Variants in DEPDC5 observed in about 807,000 individuals in gnomAD.
DEPDC5 encodes DEP domain containing 5, GATOR1 subcomplex subunit, also known as GATOR1 complex protein DEPDC5.
In DEPDC5, 73 loss-of-function variants were observed where a neutral mutation model predicts 217.3. The ratio of observed to expected loss-of-function variants is 0.34; its 90% CI spans 0.28 to 0.41. DEPDC5 has a LOEUF of 0.41. Ranked by LOEUF, DEPDC5 falls within the 10% of genes least tolerant of loss-of-function variation. The pLI, the probability that DEPDC5 is intolerant of heterozygous loss-of-function variation, is 1.00. For missense variants in DEPDC5, 1,675 were observed against 2,070.1 expected, an observed-to-expected ratio of 0.81 and a Z score of 3.70; for synonymous variants, 733 against 756.7, an observed-to-expected ratio of 0.97 and a Z score of 0.51.
intron 12 of DEPDC5, among the ~76,000 whole-genome samples, chr22:31,793,113 G>A (rs2085870636): frequency 6.6e-6 from 1 of 151,982 alleles, no homozygotes; most frequent in Non-Finnish European, 1.5e-5. Context: ...TTTTAATTTT[G>A]TAATTGTAAT....
chr22:31,843,170 C>T lies in DEPDC5; in HGVS notation c.2591C>T (p.Thr864Met), dbSNP rs564667614. ...LSMGRTFHKV[T>M]LKDKMITVTR... ...ATGGGCAGAACGTTCCACAAAGTGA[C>T]GCTGAAGGATAAGATGATCACAGTG... Residue 864 changes from threonine (T) to methionine (M), a missense_variant, in exon 28 of 43, where the codon ACG becomes ATG. By Grantham distance (81) the Thr-to-Met change is moderately conservative. This residue lies in a region of DEPDC5 where 293 missense variants were observed against 386.1 expected (regional missense o/e 0.76). Coordinates refer to ENST00000651528, the MANE Select transcript of DEPDC5 (RefSeq NM_001242896.3). 108 of 1,614,112 alleles carry T rather than the reference C, an allele frequency of 6.7e-5. No individual in the cohort carries two copies. Among genetic ancestry groups the T allele is most frequent in the Admixed American group, 6.0e-4 (36 of 60,004 alleles).
intron 32 of DEPDC5, among the ~76,000 whole-genome samples, chr22:31,860,833 A>C (rs1456679417): frequency 6.6e-6 from 1 of 152,124 alleles, no homozygotes; most frequent in Non-Finnish European, 1.5e-5. Context: ...TAACAGGCAG[A>C]AAAAACCTCC....
chr22:31,767,935 CAG>C (rs1287536001), intron 6 of DEPDC5, among the ~76,000 whole-genome samples: 1 of 150,580 alleles, frequency 6.6e-6, no homozygotes, highest in Non-Finnish European at 1.5e-5. Flanking sequence ...TTAGTAGAGA[CAG>C]GGTTTCACCA....
Position 31,843,866 on chromosome 22 carries a change from A to T in DEPDC5, c.2801+54A>T, listed in dbSNP as rs769954982. 6 of 1,518,344 alleles carry T rather than the reference A, an allele frequency of 4.0e-6. No homozygotes were observed. The African/African-American group carries it at 6.9e-5, about 17-fold the overall frequency. The allele number at this position is 1,518,344 out of a possible 1,614,324, so 94.1% of individuals were successfully genotyped here. A position where few individuals can be genotyped will look rare whatever the true frequency, so the allele number is the denominator to read the frequency against. Reference sequence around the variant, plus strand: ...TTTGCATCCTTGGGCAAGGATGTGTATGTGTATTTTAACACTTTCTGCCCT... The same window carrying T: ...TTTGCATCCTTGGGCAAGGATGTGTTTGTGTATTTTAACACTTTCTGCCCT... On this transcript the variant is annotated intron_variant, in intron 29 of 42. Coordinates refer to ENST00000651528, the MANE Select transcript of DEPDC5 (RefSeq NM_001242896.3).
chr22:31,877,471 G>A (rs558308611), intron 37 of DEPDC5, among the ~76,000 whole-genome samples: 5 of 120,150 alleles, frequency 4.2e-5, no homozygotes, highest in African/African-American at 6.8e-5. Flanking sequence ...AAAAAAACAG[G>A]CCGGGCACAG....
In DEPDC5 at chr22:31,821,635, A is replaced by G. The variant is rs374037144; in HGVS notation, c.2004A>G (p.Gly668=). 1,065 of 1,613,174 alleles carry G rather than the reference A, an allele frequency of 6.6e-4. 12 individuals are homozygous for G. In the South Asian group the frequency reaches 0.011, roughly 16 times the overall value. Residue 668 remains glycine (G), a splice_region_variant and synonymous_variant, in exon 23 of 43, where the codon GGA becomes GGG. Transcript: ENST00000651528. The part of the protein sequence containing the change: ...LLELAYHEAA[G]RHSNSRQPGD... ...AGTTAGCATATCATGAAGCTGCTGG[A>G]AGGTGAGGATGTGCACAGGGCTCTG...
In DEPDC5 at chr22:31,889,541, CTTTTTTTTT is replaced by C. The variant is rs136874; in HGVS notation, c.4034-4024_4034-4016del. 6.0e-5 allele frequency among the ~76,000 whole-genome samples: 6 copies of C among 99,594 alleles called. No homozygotes were observed. In the East Asian group the frequency reaches 8.0e-4, roughly 13 times the overall value. The allele number at this position is 99,594 out of a possible 152,430, so 65.3% of individuals were successfully genotyped here. A position where few individuals can be genotyped will look rare whatever the true frequency, so the allele number is the denominator to read the frequency against. The stretch of plus-strand genomic sequence containing the variant: ...TGTCCAAGACCAGAGGGCAAAACTT[CTTTTTTTTT>C]TTTTTTTTTTTTTTTTCCAGACAGA... On this transcript the variant is annotated intron_variant, in intron 38 of 42. Transcript: ENST00000651528.
chr22:31,818,165 A>G (rs2089341372), intron 21 of DEPDC5, among the ~76,000 whole-genome samples: 1 of 152,200 alleles, frequency 6.6e-6, no homozygotes, highest in Admixed American at 6.5e-5. Context: ...CTCTGTCTCC[A>G]TAATGGGACC....
chr22:31,763,093 G>C (rs2148067569), intron 4 of DEPDC5, among the ~76,000 whole-genome samples: 1 of 151,510 alleles, frequency 6.6e-6, no homozygotes, highest in African/African-American at 2.4e-5. Flanking sequence ...TGGATTCAAG[G>C]GATTCTCCTG....
chr22:31,783,429 G>A (rs752958512), intron 8 of DEPDC5, among the ~76,000 whole-genome samples: 11 of 152,144 alleles, frequency 7.2e-5, no homozygotes, highest in Non-Finnish European at 1.3e-4. Context: ...CTCCGGACAC[G>A]GTGTGAGGAT....
rs755374231 is a variant in DEPDC5 at position 31,905,969 on chromosome 22, C to T, written c.4437-15C>T. The T allele has an allele frequency of 3.5e-5, 57 of 1,612,356 alleles. No homozygotes were observed. Among genetic ancestry groups the T allele is most frequent in the Non-Finnish European group, 4.3e-5 (51 of 1,178,606 alleles). On this transcript the variant is annotated splice_polypyrimidine_tract_variant and intron_variant, in intron 41 of 42. Transcript: ENST00000651528. ...AAGGAGGCGCTGATTAGCATGTCTT[C>T]CTGTCCTTCCCTAGGTTTGGGTTTG...
At position 31,873,220 on chromosome 22, in the gene DEPDC5, A is replaced by G. The variant is rs771659763; in HGVS notation, c.3486-35A>G. On this transcript the variant is annotated intron_variant, in intron 34 of 42. Transcript: ENST00000651528. ...TCGTGCTCTTGACTGCATACGTGCC[A>G]TCTTGCTTTGCTGACCTGACACCCT... is the stretch of plus-strand genomic sequence containing the variant. The G allele has an allele frequency of 2.5e-6, 4 of 1,613,860 alleles. No individual in the cohort carries two copies. In the South Asian group the frequency reaches 3.3e-5, roughly 13 times the overall value.
chr22:31,879,328 A>G (rs2093109829), intron 37 of DEPDC5, among the ~76,000 whole-genome samples, 197 bp from the exon 38 acceptor site: 1 of 151,762 alleles, frequency 6.6e-6, no homozygotes, highest in African/African-American at 2.4e-5. Flanking sequence ...CACCCCCAGC[A>G]ACCAATAATC....
Position 31,870,516 on chromosome 22 carries a change from C to T in DEPDC5, c.3331-74C>T, listed in dbSNP as rs73404180. 5.2e-3 allele frequency: 7,272 copies of T among 1,395,678 alleles called. 367 individuals carry two copies. The African/African-American group carries it at 0.098, about 19-fold the overall frequency. The allele number at this position is 1,395,678 out of a possible 1,614,324, so 86.5% of individuals were successfully genotyped here. ...GTGAATGCTTACTGAGTGAATAAGC[C>T]AGTACAGCTTATTTACTGTGTTTTC... On this transcript the variant is annotated intron_variant, in intron 33 of 42. Coordinates refer to ENST00000651528, the MANE Select transcript of DEPDC5 (RefSeq NM_001242896.3).
intron 10 of DEPDC5, chr22:31,785,188 G>T: frequency 5.0e-6 from 1 of 198,162 alleles, no homozygotes. Context: ...GCAAGCAAAA[G>T]AAATAAAAGG....
chr22:31,860,187 A>G (rs1341641094), intron 32 of DEPDC5, among the ~76,000 whole-genome samples: 1 of 152,214 alleles, frequency 6.6e-6, no homozygotes, highest in African/African-American at 2.4e-5. Context: ...ATGCTATGAG[A>G]TGGCCAAAGC....
intron 14 of DEPDC5, among the ~76,000 whole-genome samples, chr22:31,798,920 T>C (rs2086557575): frequency 6.6e-6 from 1 of 152,082 alleles, no homozygotes; most frequent in Admixed American, 6.6e-5. Context: ...TGTTTATATA[T>C]AACAAAGCAA....
chr22:31,836,105 A>G (rs566409074), intron 25 of DEPDC5, among the ~76,000 whole-genome samples: 2 of 152,364 alleles, frequency 1.3e-5, no homozygotes, highest in South Asian at 2.1e-4. Flanking sequence ...AACTCAGTGA[A>G]GCTCAACCAG....
chr22:31,757,961 G>A (rs965034367), intron 2 of DEPDC5, among the ~76,000 whole-genome samples: 6 of 151,806 alleles, frequency 4.0e-5, no homozygotes, highest in African/African-American at 1.5e-4. Context: ...ACGGGGTTTC[G>A]CCATGTTCGC....
Sources: allele counts gnomAD v4.1 joint callset (sites outside exome capture counted in the v4.1 genomes callset), GRCh38; gene constraint gnomAD v4.1.1; regional missense constraint gnomAD v4.1.1; transcripts MANE v1.5; gene names NCBI Gene and HGNC (gene_info 2026-07-23, HGNC 2026-07-21).